CXXC5: variants seen among roughly 807,000 people sequenced by gnomAD.
CXXC5 encodes CXXC-type zinc finger protein 5.
A neutral mutation model predicts 17.6 loss-of-function variants in CXXC5; 2 were observed. The observed-to-expected ratio is 0.11, with a 90% CI of 0.05 to 0.36. The LOEUF is 0.36. Among genes scored for constraint, CXXC5 ranks in the 10% least tolerant of loss-of-function variants. The pLI is 1.00. For synonymous variants in CXXC5, 171 were observed against 193.0 expected, an observed-to-expected ratio of 0.89 and a Z score of 0.94; for missense variants, 343 against 458.3, an observed-to-expected ratio of 0.75 and a Z score of 2.30.
chr5:139,664,023 C>T (rs1340457553), intron 1 of CXXC5, among the ~76,000 whole-genome samples: 2 of 152,202 alleles, frequency 1.3e-5, no homozygotes, highest in Middle Eastern at 3.2e-3. Flanking sequence ...GGGCTCCCCT[C>T]GCCCCATTAC....
intron 1 of CXXC5, among the ~76,000 whole-genome samples, chr5:139,666,323 C>G (rs1269445927): frequency 6.6e-6 from 1 of 152,202 alleles, no homozygotes; most frequent in Non-Finnish European, 1.5e-5. Context: ...CCCTTCACCC[C>G]CATCCCTGTG....
rs758463615 is a variant in CXXC5, at chr5:139,658,407, C to T, written c.-161+9562C>T. ...TTTGATGCTAGGGGACACTGAAGCT[C>T]TAGGGGTCAGGCTGCCCTGAGGTCA... On this transcript the variant is annotated intron_variant, in intron 1 of 2. Coordinates refer to ENST00000302517, the MANE Select transcript of CXXC5 (RefSeq NM_016463.9). The surrounding 1 kb of genome is among the most constrained non-coding windows in gnomAD (Gnocchi z 4.1). Among the ~76,000 whole-genome samples the T allele has an allele frequency of 1.2e-4, 18 of 152,200 alleles. No individual in the cohort carries two copies. The highest frequency in any genetic ancestry group is 2.1e-4 in the Non-Finnish European group (14 of 68,036).
chr5:139,652,170 G>T (rs1755240413), intron 1 of CXXC5, among the ~76,000 whole-genome samples: 1 of 141,348 alleles, frequency 7.1e-6, no homozygotes, highest in Non-Finnish European at 1.5e-5. Flanking sequence ...GCGCGCGCGC[G>T]CGTGTGTGTG....
chr5:139,655,747 C>T (rs1238599870), intron 1 of CXXC5, among the ~76,000 whole-genome samples: 1 of 151,798 alleles, frequency 6.6e-6, no homozygotes, highest in Non-Finnish European at 1.5e-5. Flanking sequence ...CCACCCCTTC[C>T]TGCCCCCTCC....
chr5:139,661,315 T>TA lies in CXXC5; in HGVS notation c.-161+12471dup, dbSNP rs1755798159. 6.6e-6 allele frequency among the ~76,000 whole-genome samples: 1 copy of TA among 152,074 alleles called. No individual in the cohort carries two copies. The highest frequency in any genetic ancestry group is 2.4e-5 in the African/African-American group (1 of 41,424). ...CCGAGAGGCCCTGCGGCCTGGCAGT[T>TA]AGAGTGCACACTCACGCACCCCACA... On this transcript the variant is annotated intron_variant, in intron 1 of 2. Coordinates refer to ENST00000302517, the MANE Select transcript of CXXC5 (RefSeq NM_016463.9). This position sits in a 1 kb window ranked among gnomAD's most constrained non-coding sequence, Gnocchi z 4.7.
chr5:139,670,599 G>A lies in CXXC5; in HGVS notation c.-160-9765G>A, dbSNP rs1397334015. On this transcript the variant is annotated intron_variant, in intron 1 of 2. Coordinates refer to ENST00000302517, the MANE Select transcript of CXXC5 (RefSeq NM_016463.9). The surrounding 1 kb of genome is among the most constrained non-coding windows in gnomAD (Gnocchi z 4.2). ...CGGACATACACACACTGGCATTCAT[G>A]CGGCAAAGATGTGTTGACACGTACA... 6.6e-6 allele frequency among the ~76,000 whole-genome samples: 1 copy of A among 152,194 alleles called. No individual in the cohort carries two copies. The highest frequency in any genetic ancestry group is 2.4e-5 in the African/African-American group (1 of 41,436).
rs1271297485 is a variant in CXXC5 at position 139,657,804 on chromosome 5, G to C, written c.-161+8959G>C. ...TGTGGCGGGAAGGAGGAAGCAGTGG[G>C]TGGTGAAGACAGGAAGATAAAGCGT... On this transcript the variant is annotated intron_variant, in intron 1 of 2. Coordinates refer to ENST00000302517, the MANE Select transcript of CXXC5 (RefSeq NM_016463.9). Among the ~76,000 whole-genome samples, 9 of 152,338 alleles carry C rather than the reference G, an allele frequency of 5.9e-5. No homozygotes were observed. The East Asian group carries it at 1.7e-3, about 29-fold the overall frequency.
At chr5:139,652,470 C>T (rs1051079612) in intron 1 of CXXC5, among the ~76,000 whole-genome samples, 2 of 152,106 alleles carry the variant, frequency 1.3e-5, no homozygotes, top group African/African-American at 4.8e-5. Flanking sequence ...CCCCTAAAGC[C>T]AGAGGCAGTG....
upstream of CXXC5, chr5:139,647,793 T>C (rs928299898): frequency 6.6e-6 from 1 of 152,114 alleles, no homozygotes; most frequent in African/African-American, 2.4e-5. Flanking sequence ...CCGCCCCTTT[T>C]CTCCCGGGGC....
At chr5:139,654,768 A>G (rs1239810225) in intron 1 of CXXC5, among the ~76,000 whole-genome samples, 1 of 152,196 alleles carries the variant, frequency 6.6e-6, no homozygotes, top group South Asian at 2.1e-4. Context: ...GTATGTTTTC[A>G]AGGTGTTACT....
chr5:139,666,172 A>G (rs1437708024), intron 1 of CXXC5, among the ~76,000 whole-genome samples: 1 of 152,164 alleles, frequency 6.6e-6, no homozygotes, highest in Non-Finnish European at 1.5e-5. Flanking sequence ...AGAGGTGGGT[A>G]GAGCTCAGTC....
Position 139,661,942 on chromosome 5 carries a change from G to A in CXXC5, c.-161+13097G>A, listed in dbSNP as rs1166129053. ...GTACGGGGCCTCTGGCCCAGGCAGA[G>A]TGGGTTGGGTACATGGGGGAGAGAT... On this transcript the variant is annotated intron_variant, in intron 1 of 2. Transcript: ENST00000302517. This position sits in a 1 kb window ranked among gnomAD's most constrained non-coding sequence, Gnocchi z 4.7. Among the ~76,000 whole-genome samples the A allele has an allele frequency of 1.3e-5, 2 of 152,274 alleles. No individual in the cohort carries two copies.
In CXXC5 at chr5:139,668,748, A is replaced by G. The variant is rs112855973; in HGVS notation, c.-160-11616A>G. Among the ~76,000 whole-genome samples, 9 of 152,190 alleles carry G rather than the reference A, an allele frequency of 5.9e-5. 1 individual carries two copies. Among genetic ancestry groups the G allele is most frequent in the South Asian group, 2.1e-4 (1 of 4,806 alleles). On this transcript the variant is annotated intron_variant, in intron 1 of 2. Coordinates refer to ENST00000302517, the MANE Select transcript of CXXC5 (RefSeq NM_016463.9). This position sits in a 1 kb window ranked among gnomAD's most constrained non-coding sequence, Gnocchi z 4.1. ...ATGCTTATCCCAGGCGGAGCGGAGA[A>G]GGCTGGGGGATGACTGATAGGGGGA...
chr5:139,656,632 A>AC (rs1287480580), intron 1 of CXXC5, among the ~76,000 whole-genome samples: 1 of 151,974 alleles, frequency 6.6e-6, no homozygotes, highest in Non-Finnish European at 1.5e-5. Flanking sequence ...TACTTCTTGT[A>AC]CCCCCAGTGC....
chr5:139,662,285 A>G lies in CXXC5; in HGVS notation c.-161+13440A>G, dbSNP rs910667885. On this transcript the variant is annotated intron_variant, in intron 1 of 2. Transcript: ENST00000302517. ...GTCTACAGCCCTGCAAAATGGGTAC[A>G]GAGCTGGCTTATGTATAAGGAAGTC... Among the ~76,000 whole-genome samples, 57 of 152,284 alleles carry G rather than the reference A, an allele frequency of 3.7e-4. 1 individual carries two copies. The highest frequency in any genetic ancestry group is 3.3e-3 in the Admixed American group (50 of 15,302).
At chr5:139,676,019 C>T (rs1030840821) in intron 1 of CXXC5, among the ~76,000 whole-genome samples, 6 of 151,430 alleles carry the variant, frequency 4.0e-5, no homozygotes, top group African/African-American at 1.5e-4. Context: ...GAGTCTCCCT[C>T]CTTCCAGCTC....
At position 139,663,787 on chromosome 5, in the gene CXXC5, C is replaced by A. The variant is rs1210460713; in HGVS notation, c.-161+14942C>A. Among the ~76,000 whole-genome samples, 1 of 152,226 alleles carries A rather than the reference C, an allele frequency of 6.6e-6. No individual in the cohort carries two copies. Among genetic ancestry groups the A allele is most frequent in the Non-Finnish European group, 1.5e-5 (1 of 68,038 alleles). On this transcript the variant is annotated intron_variant, in intron 1 of 2. Coordinates refer to ENST00000302517, the MANE Select transcript of CXXC5 (RefSeq NM_016463.9). The surrounding 1 kb of genome is among the most constrained non-coding windows in gnomAD (Gnocchi z 4.2). ...ATGGCTATCCTTAGTTGAGCACCTA[C>A]TGCATGTGGACGCTACACTGACCCC...
rs1755816824 is a variant in CXXC5, at chr5:139,661,573, C to G, written c.-161+12728C>G. 6.6e-6 allele frequency among the ~76,000 whole-genome samples: 1 copy of G among 152,216 alleles called. No homozygotes were observed. The highest frequency in any genetic ancestry group is 2.4e-5 in the African/African-American group (1 of 41,454). On this transcript the variant is annotated intron_variant, in intron 1 of 2. Transcript: ENST00000302517. The surrounding 1 kb of genome is among the most constrained non-coding windows in gnomAD (Gnocchi z 4.7). Reference sequence around the variant, plus strand: ...CTAGGCGAATGCACATACACAGGCACACATAGGCGTGCACACATAGGCCAC... The same window carrying G: ...CTAGGCGAATGCACATACACAGGCAGACATAGGCGTGCACACATAGGCCAC...
At chr5:139,656,343 TGGG>T (rs1581570703) in intron 1 of CXXC5, among the ~76,000 whole-genome samples, 1 of 152,172 alleles carries the variant, frequency 6.6e-6, no homozygotes, top group Non-Finnish European at 1.5e-5. Context: ...TGGTGTCAGG[TGGG>T]GGCCTCAGTG....
Sources: gnomAD v4.1 joint callset for allele counts (sites outside exome capture counted in the v4.1 genomes callset) on GRCh38, gnomAD v4.1.1 for gene constraint, Gnocchi (gnomAD v3.1) non-coding constraint, MANE v1.5 for transcripts, NCBI Gene and HGNC (gene_info 2026-07-23, HGNC 2026-07-21) for gene names.